Variants in TM9SF4 observed in about 807,000 individuals in gnomAD.
TM9SF4 encodes the protein dinucleotide oxidase disulfide thiol exchanger 3 superfamily member 4.
A neutral mutation model predicts 90.4 loss-of-function variants in TM9SF4; 26 were observed. The observed-to-expected ratio is 0.29, with a 90% CI of 0.21 to 0.40. The LOEUF (loss-of-function observed/expected upper bound fraction) is 0.40, where lower values mean the gene tolerates loss of function less well. TM9SF4 is among the 10% of genes least tolerant of loss of function. The probability of loss-of-function intolerance (pLI) is 1.00; values close to 1 mark genes in which losing one functional copy is unlikely to be tolerated. For synonymous variants in TM9SF4, 293 were observed against 315.4 expected (o/e 0.93, Z 0.75); for missense variants, 549 against 834.8 (o/e 0.66, Z 4.22).
intron 1 of TM9SF4, among the ~76,000 whole-genome samples, chr20:32,123,860 A>ATTTTTTTTT: frequency 1.7e-5 from 1 of 58,820 alleles, no homozygotes; most frequent in African/African-American, 1.0e-4. Context: ...ATATATATAT[A>ATTTTTTTTT]TATATATTTT....
rs185193242 is a variant in TM9SF4, at chr20:32,132,296, C to T, written c.16-717C>T. ...GTGGATGCCTGTAGTCCCAGCTACT[C>T]GGTAGGCTGAGGCAGGAGACTCACT... On this transcript the variant is annotated intron_variant, in intron 1 of 17. Coordinates refer to ENST00000398022, the MANE Select transcript of TM9SF4 (RefSeq NM_014742.4). 3.4e-4 allele frequency among the ~76,000 whole-genome samples: 52 copies of T among 151,872 alleles called. 1 individual carries two copies. In the South Asian group the frequency reaches 7.7e-3, roughly 22 times the overall value.
At chr20:32,130,121 TAGAC>T (rs56952691) in intron 1 of TM9SF4, among the ~76,000 whole-genome samples, 63 of 152,332 alleles carry the variant, frequency 4.1e-4, no homozygotes, top group East Asian at 7.7e-4. Flanking sequence ...ATATCTAAAA[TAGAC>T]AGTGCCATCG....
At chr20:32,119,640 G>A (rs1026255614) in intron 1 of TM9SF4, among the ~76,000 whole-genome samples, 1 of 151,662 alleles carries the variant, frequency 6.6e-6, no homozygotes, top group Admixed American at 6.6e-5. Context: ...TTTTCTTAGT[G>A]GTATCTTTGG....
chr20:32,157,673 T>C (rs2046948123), intron 13 of TM9SF4, 121 bp from the exon 14 acceptor site: 1 of 1,287,398 alleles, frequency 7.8e-7, no homozygotes, highest in Non-Finnish European at 1.1e-6. Flanking sequence ...GGGCAGGGAG[T>C]GTGCTTCTGC....
chr20:32,143,183 C>A, intron 6 of TM9SF4, 78 bp downstream of exon 6: 1 of 1,541,756 alleles, frequency 6.5e-7, no homozygotes, highest in East Asian at 2.4e-5. Context: ...GCACTCTTCT[C>A]CCTCCTGAGC....
intron 12 of TM9SF4, among the ~76,000 whole-genome samples, chr20:32,153,229 C>G (rs1379479955): frequency 3.9e-5 from 6 of 152,178 alleles, no homozygotes; most frequent in Non-Finnish European, 5.9e-5. Flanking sequence ...AGCATTAGCC[C>G]TCAGGAAATG....
chr20:32,164,167 C>G (rs992465074), intron 17 of TM9SF4, among the ~76,000 whole-genome samples: 9 of 152,134 alleles, frequency 5.9e-5, no homozygotes, highest in Admixed American at 3.9e-4. Context: ...CCTTTTACCA[C>G]GGTTCTGCTC....
intron 16 of TM9SF4, 61 bp from the exon 17 acceptor site, chr20:32,161,214 GA>G (rs1313524452): frequency 2.7e-6 from 4 of 1,461,284 alleles, no homozygotes; most frequent in Non-Finnish European, 3.8e-6. Flanking sequence ...AAGCAACTGT[GA>G]AATTGGTAGG....
Position 32,141,833 on chromosome 20 carries a change from A to G in TM9SF4, c.466A>G (p.Lys156Glu), listed in dbSNP as rs766404083. The change falls in exon 5 of 18, where the codon AAG (lysine) becomes GAG (glutamate). Residue 156 changes from lysine to glutamate, a missense_variant. By Grantham distance (56) the Lys-to-Glu change is moderately conservative. Transcript: ENST00000398022. ...CTCCAACCGAGACAGCGATGACAAG[A>G]AGAAGGAAAAAGATGTGCAGTTTGA... ...LYSNRDSDDK[K>E]KEKDVQFEHG... The G allele has an allele frequency of 6.2e-7, 1 of 1,614,058 alleles. No individual in the cohort carries two copies. Among genetic ancestry groups the G allele is most frequent in the South Asian group, 1.1e-5 (1 of 91,064 alleles).
chr20:32,139,434 G>A (rs1302918987), intron 3 of TM9SF4, among the ~76,000 whole-genome samples: 4 of 151,910 alleles, frequency 2.6e-5, no homozygotes, highest in Admixed American at 6.5e-5. Flanking sequence ...AGTCAGCACT[G>A]CTTCCCCTGG....
intron 14 of TM9SF4, 127 bp from the exon 15 acceptor site, chr20:32,158,324 A>G (rs938000669): frequency 2.1e-5 from 20 of 951,828 alleles, no homozygotes; most frequent in Non-Finnish European, 3.2e-5. Flanking sequence ...ATAGTACAGA[A>G]ATATGCCAGA....
Position 32,150,619 on chromosome 20 carries a change from C to T in TM9SF4, c.1088-3C>T, listed in dbSNP as rs748015902. ...TGCCCTTCCTCCCTCCCTCCCTCCACAGTTGTAGCCATGCTTGGGATGCTG... is the reference window on the plus strand; with the variant it reads ...TGCCCTTCCTCCCTCCCTCCCTCCATAGTTGTAGCCATGCTTGGGATGCTG... On this transcript the variant is annotated splice_polypyrimidine_tract_variant and splice_region_variant and intron_variant, in intron 10 of 17. Coordinates refer to ENST00000398022, the MANE Select transcript of TM9SF4 (RefSeq NM_014742.4). The T allele has an allele frequency of 1.9e-6, 3 of 1,614,210 alleles. No individual in the cohort carries two copies. The East Asian group carries it at 6.7e-5, about 36-fold the overall frequency.
At chr20:32,123,866 A>ATATATATATATATATATATATTTTTTTT in intron 1 of TM9SF4, among the ~76,000 whole-genome samples, 5 of 93,958 alleles carry the variant, frequency 5.3e-5, no homozygotes, top group African/African-American at 2.3e-4. Context: ...ATATATATAT[A>ATATATATATATATATATATATTTTTTTT]TTTTTTTTTT....
At chr20:32,122,632 C>T (rs1457965949) in intron 1 of TM9SF4, among the ~76,000 whole-genome samples, 5 of 149,350 alleles carry the variant, frequency 3.3e-5, no homozygotes, top group Non-Finnish European at 6.0e-5. Flanking sequence ...AGAGGCGCTC[C>T]TCACTTCCCA....
intron 2 of TM9SF4, among the ~76,000 whole-genome samples, chr20:32,134,459 G>A (rs534182629): frequency 6.6e-6 from 1 of 152,268 alleles, no homozygotes; most frequent in East Asian, 1.9e-4. Flanking sequence ...CACCCGGAAA[G>A]CTCTGGAACT....
intron 1 of TM9SF4, among the ~76,000 whole-genome samples, chr20:32,124,198 C>G (rs997173940): frequency 2.0e-5 from 3 of 152,028 alleles, no homozygotes; most frequent in Non-Finnish European, 2.9e-5. Context: ...AACTAGCCTG[C>G]CTTCATTATT....
At chr20:32,130,097 A>G (rs2046488961) in intron 1 of TM9SF4, among the ~76,000 whole-genome samples, 1 of 152,208 alleles carries the variant, frequency 6.6e-6, no homozygotes, top group African/African-American at 2.4e-5. Context: ...AAATACCAAG[A>G]TGGTGACATT....
At chr20:32,128,211 A>G (rs1439494698) in intron 1 of TM9SF4, among the ~76,000 whole-genome samples, 2 of 152,162 alleles carry the variant, frequency 1.3e-5, no homozygotes, top group Non-Finnish European at 1.5e-5. Flanking sequence ...TAGCCACCCC[A>G]TTATTGGTTG....
In TM9SF4 at chr20:32,146,835, TACA is replaced by T. The variant is rs1426749074; in HGVS notation, c.939_941del (p.Asn313del). 1 of 1,613,796 alleles carries T rather than the reference TACA, an allele frequency of 6.2e-7. No individual in the cohort carries two copies. Among genetic ancestry groups the T allele is most frequent in the Non-Finnish European group, 8.5e-7 (1 of 1,179,984 alleles). ...GACCCTCCGGAAGGACATTGCCAAC[TACA>T]ACAAGGAGGATGACATTGTACGAGG... On this transcript the variant is annotated inframe_deletion, in exon 9 of 18. Coordinates refer to ENST00000398022, the MANE Select transcript of TM9SF4 (RefSeq NM_014742.4).
Sources: allele counts gnomAD v4.1 joint callset (sites outside exome capture counted in the v4.1 genomes callset), GRCh38; gene constraint gnomAD v4.1.1; transcripts MANE v1.5; gene names NCBI Gene and HGNC (gene_info 2026-07-23, HGNC 2026-07-21).